The following CCND3 variants were observed in gnomAD, a reference collection of about 807,000 sequenced individuals.
The protein encoded by CCND3 is G1/S-specific cyclin-D3.
CCND3 carries 9 observed loss-of-function variants against 28.7 expected under a neutral mutation model. The observed-to-expected ratio is 0.31, with a 90% CI of 0.19 to 0.55. The LOEUF (loss-of-function observed/expected upper bound fraction) is 0.55. Among genes scored for constraint, CCND3 ranks in the 20% least tolerant of loss-of-function variants. The probability of loss-of-function intolerance (pLI) is 0.93; values close to 1 mark genes in which losing one functional copy is unlikely to be tolerated. For synonymous variants in CCND3, 164 were observed against 163.9 expected (o/e 1.00, Z 0.00); for missense variants, 315 against 385.8 (o/e 0.82, Z 1.54).
At chr6:42,045,945 G>A (rs545136906) in intron 1 of CCND3, among the ~76,000 whole-genome samples, 11 of 152,312 alleles carry the variant, frequency 7.2e-5, no homozygotes, top group East Asian at 1.9e-4. Flanking sequence ...CCCTACCAGC[G>A]AGTGAGGGAG....
chr6:41,968,119 T>C (rs1761938815), intron 1 of CCND3, among the ~76,000 whole-genome samples: 2 of 152,178 alleles, frequency 1.3e-5, no homozygotes, highest in Non-Finnish European at 2.9e-5. Flanking sequence ...AAAATGCTGA[T>C]ATCAATGAAG....
chr6:42,020,669 C>T lies in CCND3; in HGVS notation c.-46+27832G>A, dbSNP rs1274823654. ...CCCCTCACCCGTAGCCTCCCCTACTCCCCTTCTCTCAGAATTCCCACAGCA... is the reference window on the plus strand; with the variant it reads ...CCCCTCACCCGTAGCCTCCCCTACTTCCCTTCTCTCAGAATTCCCACAGCA... On this transcript the variant is annotated intron_variant, in intron 1 of 4. Coordinates refer to the CCND3 transcript ENST00000372988. 2.0e-5 allele frequency among the ~76,000 whole-genome samples: 3 copies of T among 152,236 alleles called. No homozygotes were observed. The East Asian group carries it at 5.8e-4, about 29-fold the overall frequency.
chr6:41,980,638 T>G (rs1025051201), intron 1 of CCND3, among the ~76,000 whole-genome samples: 2 of 152,076 alleles, frequency 1.3e-5, no homozygotes, highest in African/African-American at 2.4e-5. Flanking sequence ...CTCAACAAAA[T>G]ATAAGCAAAT....
chr6:41,954,455 G>A (rs1266461077), intron 1 of CCND3, among the ~76,000 whole-genome samples: 30 of 151,552 alleles, frequency 2.0e-4, no homozygotes, highest in Non-Finnish European at 4.4e-4. Context: ...GGAGGCTGAG[G>A]CAGGAGAATT....
chr6:42,020,070 A>G (rs935697956), intron 1 of CCND3, among the ~76,000 whole-genome samples: 4 of 152,292 alleles, frequency 2.6e-5, no homozygotes, highest in African/African-American at 9.6e-5. Flanking sequence ...CAAGGTCAGG[A>G]GATCGAGACC....
intron 1 of CCND3, among the ~76,000 whole-genome samples, chr6:42,011,757 G>C (rs1316947085): frequency 2.0e-5 from 3 of 152,170 alleles, no homozygotes; most frequent in African/African-American, 7.2e-5. Context: ...TGAGGCAGTG[G>C]AGGGAGAGGG....
chr6:41,993,925 TAAAAAAAAAAAAAAAAAAA>T (rs201027925), intron 1 of CCND3, among the ~76,000 whole-genome samples: 2 of 121,252 alleles, frequency 1.6e-5, no homozygotes, highest in African/African-American at 3.3e-5. Context: ...ACTCTTGTCT[TAAAAAAAAAAAAAAAAAAA>T]AAAAAAAAAA....
At chr6:41,997,978 T>TA (rs373867665) in intron 1 of CCND3, among the ~76,000 whole-genome samples, 330 of 139,890 alleles carry the variant, frequency 2.4e-3, no homozygotes, top group African/African-American at 8.2e-3. Flanking sequence ...CAGTATCTAC[T>TA]AAAAAAAAAA....
intron 1 of CCND3, among the ~76,000 whole-genome samples, chr6:41,947,843 C>T (rs1239758519): frequency 6.6e-6 from 1 of 152,128 alleles, no homozygotes; most frequent in Non-Finnish European, 1.5e-5. Flanking sequence ...CCTGACCCAC[C>T]CTTGGCCCTC....
intron 1 of CCND3, among the ~76,000 whole-genome samples, chr6:42,043,399 C>T (rs955004791): frequency 6.6e-6 from 1 of 152,276 alleles, no homozygotes; most frequent in African/African-American, 2.4e-5. Flanking sequence ...GGTGTGGTGG[C>T]GGGTGCCTGT....
At position 41,965,058 on chromosome 6, in the gene CCND3, C is replaced by CT. The variant is rs56138276; in HGVS notation, c.-45-24474dup. ...GGAAAATGTTCTCTATTTCACGTTGCTTTTTTTTTTTTTTTTTTTTTTTTT... is the reference window on the plus strand; with the variant it reads ...GGAAAATGTTCTCTATTTCACGTTGCTTTTTTTTTTTTTTTTTTTTTTTTTT... On this transcript the variant is annotated intron_variant, in intron 1 of 4. Transcript: ENST00000372988. 8.9e-4 allele frequency among the ~76,000 whole-genome samples: 73 copies of CT among 82,114 alleles called. 5 individuals are homozygous for CT. The highest frequency in any genetic ancestry group is 3.2e-3 in the African/African-American group (60 of 18,590). The allele number at this position is 82,114 out of a possible 152,430, so 53.9% of individuals were successfully genotyped here. A position where few individuals can be genotyped will look rare whatever the true frequency, so the allele number is the denominator to read the frequency against.
intron 1 of CCND3, among the ~76,000 whole-genome samples, chr6:41,978,673 G>A (rs1355436687): frequency 1.3e-5 from 2 of 152,252 alleles, no homozygotes; most frequent in Non-Finnish European, 2.9e-5. Context: ...CTGATCTGGC[G>A]TCCTGTGCTT....
At chr6:42,040,839 A>G (rs1764349258) in intron 1 of CCND3, among the ~76,000 whole-genome samples, 1 of 151,754 alleles carries the variant, frequency 6.6e-6, no homozygotes, top group South Asian at 2.1e-4. Flanking sequence ...TGACAGAGCA[A>G]GACTCCATCT....
At chr6:41,997,221 T>G (rs1762834461) in intron 1 of CCND3, among the ~76,000 whole-genome samples, 2 of 152,176 alleles carry the variant, frequency 1.3e-5, no homozygotes, top group African/African-American at 4.8e-5. Context: ...GGCAGCGCAT[T>G]TTCTCTGGAA....
chr6:41,969,268 C>T (rs1469978207), intron 1 of CCND3, among the ~76,000 whole-genome samples: 1 of 152,064 alleles, frequency 6.6e-6, no homozygotes, highest in Non-Finnish European at 1.5e-5. Flanking sequence ...AATCCCAGCA[C>T]TTTGGGAGGC....
intron 1 of CCND3, among the ~76,000 whole-genome samples, chr6:41,957,631 C>CA (rs201951920): frequency 0.013 from 1,931 of 152,108 alleles, 27 homozygotes; most frequent in South Asian, 0.062. Flanking sequence ...TGTTTTCTCC[C>CA]AAAAAAATGG....
intron 1 of CCND3, among the ~76,000 whole-genome samples, chr6:41,980,644 C>A (rs1392906877): frequency 6.6e-6 from 1 of 152,172 alleles, no homozygotes. Flanking sequence ...AAAATATAAG[C>A]AAATTTAATC....
intron 1 of CCND3, among the ~76,000 whole-genome samples, chr6:41,991,418 A>G (rs1043176440): frequency 6.6e-6 from 1 of 152,118 alleles, no homozygotes; most frequent in Non-Finnish European, 1.5e-5. Flanking sequence ...ATAATACTCC[A>G]TTGTCTGGAT....
At chr6:42,022,332 A>C (rs376774035) in intron 1 of CCND3, among the ~76,000 whole-genome samples, 23 of 152,230 alleles carry the variant, frequency 1.5e-4, no homozygotes, top group African/African-American at 5.5e-4. Flanking sequence ...TGAATGAAGA[A>C]ATGAATGAAC....
Sources: allele counts gnomAD v4.1 joint callset (sites outside exome capture counted in the v4.1 genomes callset), GRCh38; gene constraint gnomAD v4.1.1; transcripts MANE v1.5; gene names NCBI Gene and HGNC (gene_info 2026-07-23, HGNC 2026-07-21).